Variants in NBEAL1 observed in about 807,000 individuals in gnomAD.
NBEAL1 encodes neurobeachin like 1.
In NBEAL1, 273 loss-of-function variants were observed where a neutral mutation model predicts 351.3. The observed-to-expected ratio is 0.78, with a 90% CI of 0.70 to 0.86. The LOEUF is 0.86. NBEAL1 is among the 40% of genes least tolerant of loss of function. NBEAL1 has a pLI of 0.00. For missense variants in NBEAL1, 2,961 were observed against 3,201.3 expected, an observed-to-expected ratio of 0.92 and a Z score of 1.81; for synonymous variants, 1,050 against 1,086.4, an observed-to-expected ratio of 0.97 and a Z score of 0.66.
At chr2:203,158,443 G>A (rs2063854931) in intron 36 of NBEAL1, among the ~76,000 whole-genome samples, 1 of 152,152 alleles carries the variant, frequency 6.6e-6, no homozygotes, top group African/African-American at 2.4e-5. Context: ...TCTGCAAGAA[G>A]AAACAGATAA....
At chr2:203,138,138 A>G in intron 29 of NBEAL1, 24 bp from the exon 30 acceptor site, 1 of 1,611,370 alleles carries the variant, frequency 6.2e-7, no homozygotes, top group Non-Finnish European at 8.5e-7. Flanking sequence ...CAATGGTTTT[A>G]AGAGGACTTT....
chr2:203,186,079 A>C (rs1401123630), intron 44 of NBEAL1, among the ~76,000 whole-genome samples: 1 of 152,246 alleles, frequency 6.6e-6, no homozygotes, highest in African/African-American at 2.4e-5. Flanking sequence ...GTAAAGGGAC[A>C]GATAGTAAAT....
intron 39 of NBEAL1, 96 bp downstream of exon 39, chr2:203,169,947 G>T: frequency 1.3e-6 from 1 of 758,528 alleles, no homozygotes; most frequent in Non-Finnish European, 2.2e-6. Flanking sequence ...TACAACTGCT[G>T]TTCTTCCATT....
intron 55 of NBEAL1, among the ~76,000 whole-genome samples, chr2:203,215,572 C>T (rs2065882193): frequency 6.6e-6 from 1 of 152,004 alleles, no homozygotes; most frequent in African/African-American, 2.4e-5. Flanking sequence ...CCTGTAGTCC[C>T]AGCTACTTGG....
intron 8 of NBEAL1, among the ~76,000 whole-genome samples, chr2:203,081,548 T>C (rs1314178810): frequency 6.6e-6 from 1 of 152,258 alleles, no homozygotes; most frequent in African/African-American, 2.4e-5. Context: ...ATTTGCTTTA[T>C]GTAGCAGTTA....
intron 5 of NBEAL1, 88 bp downstream of exon 5, chr2:203,056,596 T>C: frequency 1.3e-6 from 1 of 793,660 alleles, no homozygotes. Flanking sequence ...GATGGAGTTT[T>C]GCTCTTGTTG....
intron 36 of NBEAL1, among the ~76,000 whole-genome samples, chr2:203,162,441 C>T (rs1192043292): frequency 1.1e-4 from 17 of 152,014 alleles, no homozygotes; most frequent in Non-Finnish European, 1.8e-4. Flanking sequence ...TTCTTTGAAG[C>T]TCATTTTAAT....
intron 12 of NBEAL1, among the ~76,000 whole-genome samples, chr2:203,101,907 T>G (rs574529080): frequency 1.6e-4 from 25 of 152,310 alleles, no homozygotes; most frequent in African/African-American, 6.0e-4. Context: ...GGCAGTATGG[T>G]TATTTTAACA....
At chr2:203,049,643 T>A (rs1325525472) in intron 3 of NBEAL1, among the ~76,000 whole-genome samples, 171 bp from the exon 4 acceptor site, 2 of 152,214 alleles carry the variant, frequency 1.3e-5, no homozygotes, top group African/African-American at 4.8e-5. Flanking sequence ...ACTAATCTAG[T>A]TACTAATCAT....
intron 29 of NBEAL1, 79 bp from the exon 30 acceptor site, chr2:203,138,083 G>A (rs1372774035): frequency 7.5e-7 from 1 of 1,326,194 alleles, no homozygotes; most frequent in African/African-American, 1.5e-5. Context: ...TGCCTCTCAA[G>A]CTATTTTGTT....
intron 37 of NBEAL1, 143 bp downstream of exon 37, chr2:203,166,440 T>G: frequency 4.1e-6 from 3 of 724,614 alleles, no homozygotes; most frequent in South Asian, 2.1e-5. Flanking sequence ...TCAAATTTGT[T>G]ATTCACCAAG....
intron 36 of NBEAL1, among the ~76,000 whole-genome samples, chr2:203,161,683 A>G (rs1478423289): frequency 2.1e-5 from 3 of 143,612 alleles, no homozygotes; most frequent in Non-Finnish European, 4.6e-5. Context: ...AAATAAATAA[A>G]AGCCAGCATG....
At chr2:203,213,709 C>T (rs1205476144) in intron 55 of NBEAL1, 56 bp downstream of exon 55, 1 of 1,601,276 alleles carries the variant, frequency 6.2e-7, no homozygotes, top group Admixed American at 1.8e-5. Context: ...TACTTTGGTT[C>T]TCCTTCATTC....
At chr2:203,095,559 G>A (rs2062165214) in intron 10 of NBEAL1, among the ~76,000 whole-genome samples, 2 of 152,052 alleles carry the variant, frequency 1.3e-5, no homozygotes, top group Admixed American at 6.5e-5. Context: ...CCAAAGTGCT[G>A]GGATTACAGG....
At position 203,168,703 on chromosome 2, in the gene NBEAL1, G is replaced by A. The variant is rs893483850; in HGVS notation, c.5998-1044G>A. 8.5e-5 allele frequency among the ~76,000 whole-genome samples: 13 copies of A among 152,210 alleles called. 1 individual carries two copies. Among genetic ancestry groups the A allele is most frequent in the South Asian group, 4.1e-4 (2 of 4,822 alleles). On this transcript the variant is annotated intron_variant, in intron 38 of 55. Coordinates refer to ENST00000683969, the MANE Select transcript of NBEAL1 (RefSeq NM_001378026.1). ...GAGGTCAAGAGTTTGAGACCAGCCT[G>A]CCCAACATGGTGAAACCCCATCTCT...
At chr2:203,136,554 A>C in intron 28 of NBEAL1, 45 bp from the exon 29 acceptor site, 1 of 1,391,776 alleles carries the variant, frequency 7.2e-7, no homozygotes, top group Non-Finnish European at 1.0e-6. Context: ...TGCTTTGAAC[A>C]ACTACACCCT....
At chr2:203,099,805 A>T (rs2106210664) in intron 12 of NBEAL1, 93 bp downstream of exon 12, 1 of 777,450 alleles carries the variant, frequency 1.3e-6, no homozygotes, top group South Asian at 1.9e-5. Flanking sequence ...GGTAAATTGG[A>T]TATCATGGGG....
chr2:203,153,709 T>C (rs1260811016), intron 35 of NBEAL1, among the ~76,000 whole-genome samples: 1 of 152,198 alleles, frequency 6.6e-6, no homozygotes, highest in Admixed American at 6.5e-5. Flanking sequence ...TATCTTTCTC[T>C]ACTCTTTGAA....
rs1316948368 is a variant in NBEAL1 at position 203,223,468 on chromosome 2, T to G, written c.*6114T>G. 6.6e-6 allele frequency among the ~76,000 whole-genome samples: 1 copy of G among 152,064 alleles called. No individual in the cohort carries two copies. Among genetic ancestry groups the G allele is most frequent in the Non-Finnish European group, 1.5e-5 (1 of 67,946 alleles). On this transcript the variant is annotated 3_prime_UTR_variant, in exon 56 of 56. Coordinates refer to ENST00000683969, the MANE Select transcript of NBEAL1 (RefSeq NM_001378026.1). ...TTCCACTTATGTAATGGCTGTCTCATTATTTAAATTAATTTATAATTATTT... is the reference window on the plus strand; with the variant it reads ...TTCCACTTATGTAATGGCTGTCTCAGTATTTAAATTAATTTATAATTATTT...
Sources: allele counts gnomAD v4.1 joint callset (sites outside exome capture counted in the v4.1 genomes callset), GRCh38; gene constraint gnomAD v4.1.1; transcripts MANE v1.5; gene names NCBI Gene and HGNC (gene_info 2026-07-23, HGNC 2026-07-21).